Variants in GAB2 observed in about 807,000 individuals in gnomAD.
The protein encoded by GAB2 is GRB2-associated-binding protein 2.
GAB2 carries 26 observed loss-of-function variants against 65.5 expected under a neutral mutation model. That is an observed-to-expected ratio of 0.40 (90% CI 0.29 to 0.55). The LOEUF is 0.55. Among genes scored for constraint, GAB2 ranks in the 20% least tolerant of loss-of-function variants. The probability of loss-of-function intolerance (pLI) is 0.53; values close to 1 mark genes in which losing one functional copy is unlikely to be tolerated. For missense variants in GAB2, 884 were observed against 875.8 expected (o/e 1.01, Z -0.12); for synonymous variants, 321 against 329.6 (o/e 0.97, Z 0.28).
chr11:78,302,854 T>C (rs1266038970), intron 1 of GAB2, among the ~76,000 whole-genome samples: 1 of 152,216 alleles, frequency 6.6e-6, no homozygotes, highest in African/African-American at 2.4e-5. Context: ...GATGGAATAC[T>C]AGTCGACCAT....
chr11:78,405,159 C>G (rs900454651), intron 1 of GAB2, among the ~76,000 whole-genome samples: 1 of 136,382 alleles, frequency 7.3e-6, no homozygotes, highest in Non-Finnish European at 1.5e-5. Context: ...AATGCAGTGG[C>G]GCAATCTCGG....
At chr11:78,405,785 A>T (rs1450233293) in intron 1 of GAB2, among the ~76,000 whole-genome samples, 1 of 152,208 alleles carries the variant, frequency 6.6e-6, no homozygotes, top group Non-Finnish European at 1.5e-5. Context: ...TATGCCTCAT[A>T]TATCTCAGAC....
At chr11:78,378,625 G>C (rs1856661765) in intron 1 of GAB2, among the ~76,000 whole-genome samples, 1 of 152,140 alleles carries the variant, frequency 6.6e-6, no homozygotes. Context: ...CCTAGGATCA[G>C]AGTACAGGAT....
At chr11:78,414,133 T>A (rs1234079421) in intron 1 of GAB2, among the ~76,000 whole-genome samples, 1 of 146,808 alleles carries the variant, frequency 6.8e-6, no homozygotes, top group Non-Finnish European at 1.5e-5. Context: ...ACTATGCAGA[T>A]ACAAGTAAAT....
rs563429894 is a variant in GAB2 at position 78,337,572 on chromosome 11, G to A, written c.76-56671C>T. On this transcript the variant is annotated intron_variant, in intron 1 of 9. Coordinates refer to ENST00000361507, the MANE Select transcript of GAB2 (RefSeq NM_080491.3). Reference sequence around the variant, plus strand: ...AGAAGGTGGAAGTTGGAGAAAGAATGGTAGAGTATTAGGCAAAGAAAATAA... The same window carrying A: ...AGAAGGTGGAAGTTGGAGAAAGAATAGTAGAGTATTAGGCAAAGAAAATAA... 1.1e-3 allele frequency among the ~76,000 whole-genome samples: 175 copies of A among 152,264 alleles called. 1 individual carries two copies. The highest frequency in any genetic ancestry group is 4.0e-3 in the African/African-American group (165 of 41,550).
Position 78,225,317 on chromosome 11 carries a change from T to G in GAB2, c.1208-115A>C, listed in dbSNP as rs1864600123. The G allele has an allele frequency of 7.6e-6, 5 of 654,010 alleles. No homozygotes were observed. In the Admixed American group the frequency reaches 1.4e-4, roughly 18 times the overall value. The allele number at this position is 654,010 out of a possible 1,614,324, so 40.5% of individuals were successfully genotyped here. A position where few individuals can be genotyped will look rare whatever the true frequency, so the allele number is the denominator to read the frequency against. Reference sequence around the variant, plus strand: ...ACTGATACTCCAGAAGATACTACTCTCAACCCCAAATGATAAGGAATTTCT... The same window carrying G: ...ACTGATACTCCAGAAGATACTACTCGCAACCCCAAATGATAAGGAATTTCT... On this transcript the variant is annotated intron_variant, in intron 4 of 9. Coordinates refer to ENST00000361507, the MANE Select transcript of GAB2 (RefSeq NM_080491.3).
intron 2 of GAB2, among the ~76,000 whole-genome samples, chr11:78,262,338 T>C (rs1296239563): frequency 6.6e-6 from 1 of 152,226 alleles, no homozygotes. Flanking sequence ...ATAAAACAGC[T>C]ACCTGAAGAA....
chr11:78,309,953 TG>T (rs1855456016), intron 1 of GAB2, among the ~76,000 whole-genome samples: 1 of 141,244 alleles, frequency 7.1e-6, no homozygotes, highest in Non-Finnish European at 1.5e-5. Context: ...TGTGTGTGTG[TG>T]TGTGTGTGTG....
chr11:78,405,091 ATTTTTTTT>A (rs1174366754), intron 1 of GAB2, among the ~76,000 whole-genome samples: 7 of 93,252 alleles, frequency 7.5e-5, no homozygotes, highest in East Asian at 3.1e-4. Context: ...AAAAACATGG[ATTTTTTTT>A]TTTTTTTTTT....
rs145287541 is a variant in GAB2 at position 78,414,817 on chromosome 11, C to T, written c.75+2829G>A. ...CTAATTGCTCAAACATTTGCCTTTG[C>T]TTCTTCTAAGATGTTTTTCCCCTCT... is the stretch of plus-strand genomic sequence containing the variant. On this transcript the variant is annotated intron_variant, in intron 1 of 9. Transcript: ENST00000361507. Among the ~76,000 whole-genome samples the T allele has an allele frequency of 9.2e-4, 140 of 152,288 alleles. 1 individual carries two copies. The highest frequency in any genetic ancestry group is 3.3e-3 in the African/African-American group (136 of 41,564).
chr11:78,223,262 C>T, intron 6 of GAB2, 150 bp downstream of exon 6: 2 of 587,292 alleles, frequency 3.4e-6, no homozygotes, highest in Non-Finnish European at 5.6e-6. Context: ...TTACCATCTG[C>T]ATTTCACAGA....
intron 1 of GAB2, among the ~76,000 whole-genome samples, chr11:78,340,192 A>T (rs1856069294): frequency 6.6e-6 from 1 of 152,206 alleles, no homozygotes; most frequent in South Asian, 2.1e-4. Flanking sequence ...TGACTGCCCT[A>T]ATCCTAATCA....
At chr11:78,408,146 C>T (rs988968066) in intron 1 of GAB2, among the ~76,000 whole-genome samples, 1 of 152,100 alleles carries the variant, frequency 6.6e-6, no homozygotes, top group Non-Finnish European at 1.5e-5. Context: ...AATAGTCTTT[C>T]CTTCTGAGTT....
At chr11:78,225,007 A>G in intron 5 of GAB2, 101 bp downstream of exon 5, 1 of 728,542 alleles carries the variant, frequency 1.4e-6, no homozygotes, top group Non-Finnish European at 2.4e-6. Context: ...CCTAAGATGG[A>G]GACGCCATCA....
At chr11:78,323,790 C>CTTTT (rs749282969) in intron 1 of GAB2, among the ~76,000 whole-genome samples, 2,170 of 76,998 alleles carry the variant, frequency 0.028, 89 homozygotes, top group East Asian at 0.053. Context: ...CTGAATCTTT[C>CTTTT]TTTTTTTTTT....
intron 2 of GAB2, among the ~76,000 whole-genome samples, chr11:78,272,906 G>A (rs542989103): frequency 3.3e-4 from 51 of 152,338 alleles, no homozygotes; most frequent in Middle Eastern, 3.4e-3. Flanking sequence ...CTCCATCCGT[G>A]ACTAAAAGGG....
chr11:78,357,018 T>G (rs1454075572), intron 1 of GAB2, among the ~76,000 whole-genome samples: 1 of 152,076 alleles, frequency 6.6e-6, no homozygotes, highest in East Asian at 1.9e-4. Context: ...TAATAGGGAG[T>G]TTCTGTTTAA....
At chr11:78,343,834 C>T (rs1021954341) in intron 1 of GAB2, among the ~76,000 whole-genome samples, 10 of 151,978 alleles carry the variant, frequency 6.6e-5, no homozygotes, top group African/African-American at 2.2e-4. Context: ...ACATATTTAT[C>T]TTTACTTTTG....
At chr11:78,276,462 C>T (rs1866173719) in intron 2 of GAB2, among the ~76,000 whole-genome samples, 1 of 152,166 alleles carries the variant, frequency 6.6e-6, no homozygotes. Flanking sequence ...TACTCTCCTC[C>T]TTAGGGAGGC....
Sources: gnomAD v4.1 joint callset for allele counts (sites outside exome capture counted in the v4.1 genomes callset) on GRCh38, gnomAD v4.1.1 for gene constraint, MANE v1.5 for transcripts, NCBI Gene and HGNC (gene_info 2026-07-23, HGNC 2026-07-21) for gene names.